The following PPP4R3A variants were observed in gnomAD, a reference collection of about 807,000 sequenced individuals.
PPP4R3A encodes the protein serine/threonine-protein phosphatase 4 regulatory subunit 3A.
A neutral mutation model predicts 91.7 loss-of-function variants in PPP4R3A; 15 were observed. That is an observed-to-expected ratio of 0.16 (90% CI 0.11 to 0.25). PPP4R3A has a LOEUF of 0.25. Among genes scored for constraint, PPP4R3A ranks in the 10% least tolerant of loss-of-function variants. The probability of loss-of-function intolerance (pLI) is 1.00; values close to 1 mark genes in which losing one functional copy is unlikely to be tolerated. For synonymous variants in PPP4R3A, 377 were observed against 348.7 expected (o/e 1.08, Z -0.91); for missense variants, 623 against 998.4 (o/e 0.62, Z 5.07).
At chr14:91,477,108 GTC>G in intron 4 of PPP4R3A, 122 bp from the exon 5 acceptor site, 4 of 400,218 alleles carry the variant, frequency 1.0e-5, no homozygotes, top group Non-Finnish European at 1.1e-5. Context: ...TGGCAATGCT[GTC>G]TTTTTTTTTT....
chr14:91,465,488 A>T, intron 10 of PPP4R3A, 69 bp from the exon 11 acceptor site: 2 of 1,389,430 alleles, frequency 1.4e-6, no homozygotes, highest in Non-Finnish European at 1.9e-6. Context: ...ACCAAACAAA[A>T]ATAACCATCA....
Position 91,478,304 on chromosome 14 carries a change from T to G in PPP4R3A, c.916-1318A>C, listed in dbSNP as rs578177217. Among the ~76,000 whole-genome samples the G allele has an allele frequency of 2.6e-5, 4 of 152,326 alleles. No homozygotes were observed. In the South Asian group the frequency reaches 6.2e-4, roughly 24 times the overall value. On this transcript the variant is annotated intron_variant, in intron 4 of 14. Coordinates refer to ENST00000554943, the MANE Select transcript of PPP4R3A (RefSeq NM_001366432.2). The stretch of plus-strand genomic sequence containing the variant: ...AAAGACATTCTCTGAACTGCTGCAG[T>G]TGGGGGTACAGAAATAGAGAAAATA...
chr14:91,468,541 C>T (rs772412593), intron 10 of PPP4R3A, among the ~76,000 whole-genome samples: 1 of 151,620 alleles, frequency 6.6e-6, no homozygotes, highest in Non-Finnish European at 1.5e-5. Context: ...TAGTGGTGCG[C>T]TCCTGTAATC....
At chr14:91,459,701 G>A (rs1315844441) in intron 14 of PPP4R3A, among the ~76,000 whole-genome samples, 2 of 151,672 alleles carry the variant, frequency 1.3e-5, no homozygotes, top group African/African-American at 2.4e-5. Flanking sequence ...CAGGTGTGGT[G>A]GTGCACATCT....
chr14:91,463,876 C>T (rs1888313131), intron 11 of PPP4R3A, among the ~76,000 whole-genome samples: 1 of 152,094 alleles, frequency 6.6e-6, no homozygotes, highest in African/African-American at 2.4e-5. Flanking sequence ...AAGCACAGTA[C>T]CCAATAGGTA....
chr14:91,467,777 A>C (rs1443584724), intron 10 of PPP4R3A, among the ~76,000 whole-genome samples: 1 of 152,240 alleles, frequency 6.6e-6, no homozygotes, highest in Admixed American at 6.5e-5. Flanking sequence ...AAAGTATAAT[A>C]ATTAAGCAGC....
At chr14:91,486,577 A>G (rs1033623235) in intron 2 of PPP4R3A, among the ~76,000 whole-genome samples, 1 of 152,348 alleles carries the variant, frequency 6.6e-6, no homozygotes, top group Middle Eastern at 3.4e-3. Flanking sequence ...AGACCATTTT[A>G]TATTCCTCAT....
chr14:91,487,249 CAAAAAAAAAAAAAA>C (rs35970764), intron 2 of PPP4R3A, among the ~76,000 whole-genome samples: 30 of 80,244 alleles, frequency 3.7e-4, no homozygotes, highest in Middle Eastern at 7.7e-3. Flanking sequence ...GAGTCCGTCT[CAAAAAAAAAAAAAA>C]AAAAAAAAAA....
chr14:91,497,177 TCTAA>T (rs1890625868), intron 1 of PPP4R3A, among the ~76,000 whole-genome samples: 1 of 152,090 alleles, frequency 6.6e-6, no homozygotes, highest in Non-Finnish European at 1.5e-5. Context: ...CAGAGAAGGT[TCTAA>T]CTAAGAGCAA....
chr14:91,465,570 A>G (rs1001209976), intron 10 of PPP4R3A, 151 bp from the exon 11 acceptor site: 2 of 588,094 alleles, frequency 3.4e-6, no homozygotes, highest in South Asian at 1.0e-4. Context: ...TGTGAACCTA[A>G]AGATAAGGAT....
chr14:91,485,780 CGAAAAT>C, intron 2 of PPP4R3A, 50 bp from the exon 3 acceptor site: 1 of 1,222,420 alleles, frequency 8.2e-7, no homozygotes. Context: ...CTATCACAAA[CGAAAAT>C]GAACAAACAA....
intron 10 of PPP4R3A, among the ~76,000 whole-genome samples, chr14:91,468,667 CAAAAAAA>C (rs766250846): frequency 2.2e-4 from 10 of 45,044 alleles, no homozygotes; most frequent in South Asian, 1.7e-3. Context: ...GACTCCGTCT[CAAAAAAA>C]AAAAAAAAAA....
intron 14 of PPP4R3A, among the ~76,000 whole-genome samples, chr14:91,460,557 G>A (rs1888071577): frequency 6.6e-6 from 1 of 151,744 alleles, no homozygotes; most frequent in African/African-American, 2.4e-5. Flanking sequence ...AAAGAAAAGG[G>A]TGGTTGGCAT....
rs1887916798 is a variant in PPP4R3A, at chr14:91,458,634, TG to T, written c.*124del. 2.9e-6 allele frequency: 4 copies of T among 1,370,678 alleles called. No individual in the cohort carries two copies. Among genetic ancestry groups the T allele is most frequent in the African/African-American group, 2.9e-5 (2 of 70,154 alleles). 84.9% of individuals were successfully genotyped at this position (1,370,678 alleles called of 1,614,324 possible). On this transcript the variant is annotated 3_prime_UTR_variant, in exon 15 of 15. Coordinates refer to ENST00000554943, the MANE Select transcript of PPP4R3A (RefSeq NM_001366432.2). ...TGGCACTTGATGAGCAGAAGTCAAG[TG>T]TAAGAGGCTGATCTGTGTCAGTCAT...
intron 9 of PPP4R3A, among the ~76,000 whole-genome samples, chr14:91,472,440 A>C (rs1375797270): frequency 6.8e-6 from 1 of 147,510 alleles, no homozygotes; most frequent in Non-Finnish European, 1.5e-5. Context: ...ATCTGATTAC[A>C]GTACTTTCAG....
intron 12 of PPP4R3A, among the ~76,000 whole-genome samples, 173 bp downstream of exon 12, chr14:91,462,562 A>G (rs1278853293): frequency 6.7e-6 from 1 of 150,062 alleles, no homozygotes. Context: ...ACTAATAACC[A>G]GCCTAATCTT....
chr14:91,473,219 G>A lies in PPP4R3A; in HGVS notation c.1398+20C>T, dbSNP rs528252837. 6 of 1,612,488 alleles carry A rather than the reference G, an allele frequency of 3.7e-6. No individual in the cohort carries two copies. The South Asian group carries it at 6.6e-5, about 18-fold the overall frequency. Reference sequence around the variant, plus strand: ...ACAATATACTAGCTATGAAAAAGAGGGGAAATGCTCATGGCTTACATTGGC... The same window carrying A: ...ACAATATACTAGCTATGAAAAAGAGAGGAAATGCTCATGGCTTACATTGGC... On this transcript the variant is annotated intron_variant, in intron 8 of 14. Transcript: ENST00000554943.
rs887056756 is a variant in PPP4R3A, at chr14:91,462,932, T to C, written c.1831-55A>G. ...ATAGGAAAATGTCATTTTAGCAAGA[T>C]GAGGCTTAATTTAATCAATTCATAC... On this transcript the variant is annotated intron_variant, in intron 11 of 14. Coordinates refer to ENST00000554943, the MANE Select transcript of PPP4R3A (RefSeq NM_001366432.2). 32 of 1,371,682 alleles carry C rather than the reference T, an allele frequency of 2.3e-5. No individual in the cohort carries two copies. In the East Asian group the frequency reaches 4.0e-4, roughly 17 times the overall value. 85.0% of individuals were successfully genotyped at this position (1,371,682 alleles called of 1,614,324 possible).
chr14:91,482,006 A>G lies in PPP4R3A; in HGVS notation c.485T>C (p.Leu162Pro). The change falls in exon 4 of 15, where the codon CTG (leucine) becomes CCG (proline). Residue 162 changes from leucine (L) to proline (P), a missense_variant. Physicochemically the swap from Leu to Pro is moderately conservative, Grantham distance 98. Coordinates refer to ENST00000554943, the MANE Select transcript of PPP4R3A (RefSeq NM_001366432.2). ...PSPLRREKLA[L>P]ALENEGYIKK... is the part of the protein sequence containing the mutation. ...AATATAACCCTCATTTTCTAGTGCC[A>G]GTGCAAGTTTTTCACGACGAAGAGG... 6.2e-7 allele frequency: 1 copy of G among 1,614,098 alleles called. No individual in the cohort carries two copies. Among genetic ancestry groups the G allele is most frequent in the South Asian group, 1.1e-5 (1 of 91,086 alleles).
Sources: allele counts gnomAD v4.1 joint callset (sites outside exome capture counted in the v4.1 genomes callset), GRCh38; gene constraint gnomAD v4.1.1; transcripts MANE v1.5; gene names NCBI Gene and HGNC (gene_info 2026-07-23, HGNC 2026-07-21).